Variants in GRPEL1 observed in about 807,000 individuals in gnomAD.
GRPEL1 encodes the protein grpE protein homolog 1, mitochondrial.
A neutral mutation model predicts 22.1 loss-of-function variants in GRPEL1; 13 were observed. The ratio of observed to expected loss-of-function variants is 0.59; its 90% CI spans 0.38 to 0.94. GRPEL1 has a LOEUF of 0.94. Among genes scored for constraint, GRPEL1 ranks in the 40% least tolerant of loss-of-function variants. GRPEL1 has a pLI of 0.00. For missense variants in GRPEL1, 289 were observed against 264.6 expected, an observed-to-expected ratio of 1.09 and a Z score of -0.64; for synonymous variants, 109 against 105.3, an observed-to-expected ratio of 1.03 and a Z score of -0.21.
rs59986387 is a variant in GRPEL1 at position 7,062,490 on chromosome 4, TTATATATATA to T, written c.226-34_226-25del. ...TCCTAAAAGAGAAAAAAAGGGATAT[TTATATATATA>T]TATATATATATATATCTTTTTTTTT... On this transcript the variant is annotated intron_variant, in intron 2 of 3. Transcript: ENST00000264954. The T allele has an allele frequency of 1.0e-3, 647 of 617,402 alleles. 26 individuals carry two copies. The African/African-American group carries it at 0.015, about 15-fold the overall frequency. 38.2% of individuals were successfully genotyped at this position (617,402 alleles called of 1,614,324 possible).
rs1358995617 is a variant in GRPEL1, at chr4:7,059,586, GTATTATGGGACCA to G, written c.*1263_*1275del. The stretch of plus-strand genomic sequence containing the variant: ...TTTGGGAATGGTATCCCAAGATGAA[GTATTATGGGACCA>G]TTACTTGCGTCTTTTAAAATTAGAA... On this transcript the variant is annotated 3_prime_UTR_variant, in exon 4 of 4. Transcript: ENST00000264954. The G allele has an allele frequency of 1.3e-5, 2 of 152,236 alleles. No individual in the cohort carries two copies. Among genetic ancestry groups the G allele is most frequent in the Non-Finnish European group, 2.9e-5 (2 of 68,036 alleles). 9.4% of individuals were successfully genotyped at this position (152,236 alleles called of 1,614,324 possible). A position where few individuals can be genotyped will look rare whatever the true frequency, so the allele number is the denominator to read the frequency against.
intron 1 of GRPEL1, 60 bp from the exon 2 acceptor site, chr4:7,064,283 A>T: frequency 6.5e-7 from 1 of 1,531,758 alleles, no homozygotes; most frequent in South Asian, 1.2e-5. Flanking sequence ...TTAAAGTCAG[A>T]TGTATGACTT....
rs1724106402 is a variant in GRPEL1 at position 7,064,205 on chromosome 4, C to A, written c.81G>T (p.Leu27Phe). Reference sequence around the variant, plus strand: ...TGTTCTTTTGTTTCGTGGCTGTGCACAACAACCGGGGAGATGGCCTACAGG... The same window carrying A: ...TGTTCTTTTGTTTCGTGGCTGTGCAAAACAACCGGGGAGATGGCCTACAGG... Reference protein sequence around the residue: ...ALSLRPSPRLLCTATKQKNSG... With the variant: ...ALSLRPSPRLFCTATKQKNSG... The change falls in exon 2 of 4, where the codon TTG becomes TTT. Residue 27 changes from leucine (L) to phenylalanine (F), a missense_variant. Physicochemically the swap from Leu to Phe is conservative, Grantham distance 22. Coordinates refer to ENST00000264954, the MANE Select transcript of GRPEL1 (RefSeq NM_025196.4). 14 of 1,613,454 alleles carry A rather than the reference C, an allele frequency of 8.7e-6. No homozygotes were observed. Among genetic ancestry groups the A allele is most frequent in the Non-Finnish European group, 1.2e-5 (14 of 1,179,646 alleles).
intron 1 of GRPEL1, chr4:7,067,611 G>T (rs917250722): frequency 3.0e-6 from 1 of 334,454 alleles, no homozygotes; most frequent in Admixed American, 5.2e-5. Flanking sequence ...CACAAGTTGC[G>T]GCTGCCTCTG....
Position 7,067,966 on chromosome 4 carries a change from C to CT in GRPEL1, c.62+4dup. 3 of 1,613,432 alleles carry CT rather than the reference C, an allele frequency of 1.9e-6. No homozygotes were observed. The highest frequency in any genetic ancestry group is 2.5e-6 in the Non-Finnish European group (3 of 1,179,894). On this transcript the variant is annotated splice_donor_region_variant and intron_variant, in intron 1 of 3. Coordinates refer to ENST00000264954, the MANE Select transcript of GRPEL1 (RefSeq NM_025196.4). ...CTCCACCCAGGGAGACCAAGTGCCC[C>CT]TTACCTGAGAGACAACGCCAAAGCA...
At chr4:7,064,514 CATCT>C (rs1724121310) in intron 1 of GRPEL1, among the ~76,000 whole-genome samples, 1 of 152,000 alleles carries the variant, frequency 6.6e-6, no homozygotes, top group Non-Finnish European at 1.5e-5. Flanking sequence ...TCTATCTATA[CATCT>C]ATCTATATCT....
Position 7,060,032 on chromosome 4 carries a change from A to G in GRPEL1, c.*830T>C, listed in dbSNP as rs1724000288. 1 of 152,264 alleles carries G rather than the reference A, an allele frequency of 6.6e-6. No homozygotes were observed. Among genetic ancestry groups the G allele is most frequent in the Admixed American group, 6.5e-5 (1 of 15,286 alleles). The allele number at this position is 152,264 out of a possible 1,614,324, so 9.4% of individuals were successfully genotyped here. A position where few individuals can be genotyped will look rare whatever the true frequency, so the allele number is the denominator to read the frequency against. On this transcript the variant is annotated 3_prime_UTR_variant, in exon 4 of 4. Coordinates refer to ENST00000264954, the MANE Select transcript of GRPEL1 (RefSeq NM_025196.4). The stretch of plus-strand genomic sequence containing the variant: ...CAGCGGCAAGGATCTCCATGAGAGG[A>G]CACAAAATTGTTTTCAGAAAGTAGG...
chr4:7,061,782 G>C (rs890784747), intron 3 of GRPEL1: 3 of 154,488 alleles, frequency 1.9e-5, no homozygotes, highest in African/African-American at 7.2e-5. Flanking sequence ...ATGCGACAGA[G>C]ACTCTAGCTC....
intron 2 of GRPEL1, 35 bp downstream of exon 2, chr4:7,064,026 C>G (rs777191670): frequency 1.2e-6 from 2 of 1,600,496 alleles, no homozygotes; most frequent in Admixed American, 1.7e-5. Context: ...ACAGTTCAGC[C>G]GAGCCCGCCC....
intron 1 of GRPEL1, chr4:7,067,685 G>A: frequency 2.0e-6 from 1 of 499,584 alleles, no homozygotes; most frequent in Non-Finnish European, 3.5e-6. Context: ...GACCACACGC[G>A]CACGTGGGCC....
In GRPEL1 at chr4:7,061,051, G is replaced by C; in HGVS notation, c.465C>G (p.Phe155Leu). Residue 155 changes from phenylalanine to leucine, a missense_variant, in exon 4 of 4, where the codon TTC (phenylalanine) becomes TTG (leucine). Phe to Leu is a conservative substitution (Grantham distance 22, BLOSUM62 0). Transcript: ENST00000264954. ...TCAACTTGAGCAAGCCATGCTTTGT[G>C]AACACCTTCTGGATCTGGACTTCAG... ...VMTEVQIQKV[F>L]TKHGLLKLNP... The C allele has an allele frequency of 6.2e-7, 1 of 1,614,206 alleles. No individual in the cohort carries two copies. Among genetic ancestry groups the C allele is most frequent in the Non-Finnish European group, 8.5e-7 (1 of 1,180,044 alleles).
intron 1 of GRPEL1, 21 bp from the exon 2 acceptor site, chr4:7,064,244 G>A (rs758688203): frequency 6.3e-7 from 1 of 1,592,138 alleles, no homozygotes. Flanking sequence ...GTCCACACGT[G>A]AGAAACGAAG....
Position 7,059,371 on chromosome 4 carries a change from A to C in GRPEL1, c.*1491T>G, listed in dbSNP as rs914012106. The C allele has an allele frequency of 2.0e-5, 3 of 152,180 alleles. No individual in the cohort carries two copies. The highest frequency in any genetic ancestry group is 2.9e-5 in the Non-Finnish European group (2 of 68,030). The allele number at this position is 152,180 out of a possible 1,614,324, so 9.4% of individuals were successfully genotyped here. A position where few individuals can be genotyped will look rare whatever the true frequency, so the allele number is the denominator to read the frequency against. ...GTAGGAGACTGCAAACATTCACAGA[A>C]ATGAGTTGATAAATTACTTTTCTTA... On this transcript the variant is annotated 3_prime_UTR_variant, in exon 4 of 4. Transcript: ENST00000264954.
At chr4:7,066,851 C>G (rs1351297253) in intron 1 of GRPEL1, among the ~76,000 whole-genome samples, 1 of 152,228 alleles carries the variant, frequency 6.6e-6, no homozygotes, top group East Asian at 1.9e-4. Context: ...CTGCCTTTCC[C>G]TAGTTGAGCA....
chr4:7,067,531 C>G, intron 1 of GRPEL1: 1 of 200,862 alleles, frequency 5.0e-6, no homozygotes, highest in South Asian at 7.8e-5. Flanking sequence ...CCAGGGCACA[C>G]CCGGCCCGGC....
chr4:7,060,806 C>T lies in GRPEL1; in HGVS notation c.*56G>A, dbSNP rs1262559812. On this transcript the variant is annotated 3_prime_UTR_variant, in exon 4 of 4. Transcript: ENST00000264954. ...GTACTCATAGATGAGAAACAATGAA[C>T]CAGCCTTGAGAGTTACATCAAGTGA... 2 of 1,435,748 alleles carry T rather than the reference C, an allele frequency of 1.4e-6. No homozygotes were observed. The highest frequency in any genetic ancestry group is 2.8e-5 in the African/African-American group (2 of 70,478). 88.9% of individuals were successfully genotyped at this position (1,435,748 alleles called of 1,614,324 possible). A position where few individuals can be genotyped will look rare whatever the true frequency, so the allele number is the denominator to read the frequency against.
At chr4:7,066,213 G>C (rs2108793408) in intron 1 of GRPEL1, among the ~76,000 whole-genome samples, 1 of 152,306 alleles carries the variant, frequency 6.6e-6, no homozygotes, top group Admixed American at 6.5e-5. Flanking sequence ...GAAGGTGAAG[G>C]CTGCCAGCAC....
At chr4:7,066,809 A>G (rs1724179817) in intron 1 of GRPEL1, among the ~76,000 whole-genome samples, 1 of 152,084 alleles carries the variant, frequency 6.6e-6, no homozygotes, top group African/African-American at 2.4e-5. Flanking sequence ...AAGCCTAGTT[A>G]CTCTGAGAGC....
intron 2 of GRPEL1, among the ~76,000 whole-genome samples, chr4:7,063,838 A>G (rs1232614151): frequency 6.6e-6 from 1 of 152,248 alleles, no homozygotes; most frequent in Non-Finnish European, 1.5e-5. Flanking sequence ...AATGACAAAT[A>G]ACAGCGTGTA....
Sources: allele counts gnomAD v4.1 joint callset (sites outside exome capture counted in the v4.1 genomes callset), GRCh38; gene constraint gnomAD v4.1.1; transcripts MANE v1.5; gene names NCBI Gene and HGNC (gene_info 2026-07-23, HGNC 2026-07-21).